The following DOCK1 variants were observed in gnomAD, a reference collection of about 807,000 sequenced individuals.
DOCK1 encodes dedicator of cytokinesis 1, also known as dedicator of cytokinesis protein 1.
DOCK1 carries 138 observed loss-of-function variants against 262.7 expected under a neutral mutation model. The observed-to-expected ratio is 0.53, with a 90% CI of 0.46 to 0.61. The LOEUF (loss-of-function observed/expected upper bound fraction) is 0.61. Among genes scored for constraint, DOCK1 ranks in the 20% least tolerant of loss-of-function variants. The pLI, the probability that DOCK1 is intolerant of heterozygous loss-of-function variation, is 0.00. For missense variants in DOCK1, 1,908 were observed against 2,370.7 expected (o/e 0.80, Z 4.05); for synonymous variants, 866 against 867.4 (o/e 1.00, Z 0.03).
chr10:126,950,601 C>T (rs1254556822), intron 1 of DOCK1, among the ~76,000 whole-genome samples: 1 of 152,062 alleles, frequency 6.6e-6, no homozygotes, highest in African/African-American at 2.4e-5. Context: ...GTTGTGGACG[C>T]AGCAGTACAG....
At chr10:127,421,731 C>T (rs1225165942) in intron 46 of DOCK1, among the ~76,000 whole-genome samples, 1 of 152,164 alleles carries the variant, frequency 6.6e-6, no homozygotes, top group Admixed American at 6.5e-5. Flanking sequence ...AATACTTGTC[C>T]TTCTGTGTCT....
intron 27 of DOCK1, chr10:127,146,080 C>T (rs2051816995): frequency 1.9e-6 from 1 of 513,800 alleles, no homozygotes; most frequent in Non-Finnish European, 3.9e-6. Flanking sequence ...CCCGTATTTA[C>T]CCCCAGAAAA....
chr10:127,288,590 T>C (rs926722076), intron 29 of DOCK1, among the ~76,000 whole-genome samples: 1 of 152,114 alleles, frequency 6.6e-6, no homozygotes, highest in Non-Finnish European at 1.5e-5. Context: ...TTTAGGATTA[T>C]GGAGATTTTA....
At chr10:127,302,741 G>GGTGT (rs1196456742) in intron 29 of DOCK1, among the ~76,000 whole-genome samples, 5 of 108,160 alleles carry the variant, frequency 4.6e-5, no homozygotes, top group East Asian at 2.8e-4. Context: ...GAAAAGAGGG[G>GGTGT]GTGTGTGTGT....
At chr10:127,291,918 G>A (rs1056154875) in intron 29 of DOCK1, among the ~76,000 whole-genome samples, 25 of 152,172 alleles carry the variant, frequency 1.6e-4, no homozygotes, top group Middle Eastern at 3.2e-3. Context: ...GGCTCCCTCC[G>A]TCCTTCACAG....
chr10:127,394,352 TAAAA>T (rs34284692), intron 38 of DOCK1, among the ~76,000 whole-genome samples: 6 of 133,062 alleles, frequency 4.5e-5, no homozygotes, highest in Non-Finnish European at 4.8e-5. Context: ...TGCACCAATG[TAAAA>T]AAAAAAAAAA....
chr10:127,287,514 A>G lies in DOCK1; in HGVS notation c.3044+30085A>G, dbSNP rs141362386. Among the ~76,000 whole-genome samples the G allele has an allele frequency of 2.0e-5, 3 of 152,104 alleles. No homozygotes were observed. In the East Asian group the frequency reaches 5.8e-4, roughly 29 times the overall value. On this transcript the variant is annotated intron_variant, in intron 29 of 51. Transcript: ENST00000623213. ...TCCCCATTTTTTTTCCTTATAATTT[A>G]TATTGCAATGTTTGTTCAAGTTCTG...
intron 23 of DOCK1, among the ~76,000 whole-genome samples, chr10:127,095,181 T>G (rs2047833915): frequency 6.6e-6 from 1 of 152,248 alleles, no homozygotes; most frequent in Admixed American, 6.5e-5. Flanking sequence ...GTGTTCTTGC[T>G]GTCTGTGCTG....
Position 127,422,820 on chromosome 10 carries a change from T to A in DOCK1, c.4777-3054T>A, listed in dbSNP as rs193237448. On this transcript the variant is annotated intron_variant, in intron 46 of 51. Coordinates refer to ENST00000623213, the MANE Select transcript of DOCK1 (RefSeq NM_001290223.2). ...CCTCTGCAGGCTATAAAACTATTGC[T>A]ATACAAAAACTAGTTTGGTCTGCAA... 1.4e-4 allele frequency among the ~76,000 whole-genome samples: 22 copies of A among 152,360 alleles called. 1 individual carries two copies. The East Asian group carries it at 3.5e-3, about 24-fold the overall frequency.
intron 1 of DOCK1, among the ~76,000 whole-genome samples, chr10:126,952,891 G>A (rs1199104022): frequency 1.3e-5 from 2 of 152,076 alleles, no homozygotes; most frequent in African/African-American, 4.8e-5. Context: ...TGGTAGTATT[G>A]TAGGTGATGG....
chr10:127,209,344 T>C (rs1189037435), intron 27 of DOCK1, among the ~76,000 whole-genome samples: 1 of 152,200 alleles, frequency 6.6e-6, no homozygotes, highest in East Asian at 1.9e-4. Flanking sequence ...TAAAGCAAAA[T>C]CTGAGGTCAC....
intron 27 of DOCK1, among the ~76,000 whole-genome samples, chr10:127,184,606 A>G (rs2056056868): frequency 6.6e-6 from 1 of 151,810 alleles, no homozygotes; most frequent in Admixed American, 6.6e-5. Flanking sequence ...TTATTATAAG[A>G]TCATCTATAC....
At position 126,974,648 on chromosome 10, in the gene DOCK1, C is replaced by G. The variant is rs542283932; in HGVS notation, c.131-3300C>G. On this transcript the variant is annotated intron_variant, in intron 2 of 51. Coordinates refer to ENST00000623213, the MANE Select transcript of DOCK1 (RefSeq NM_001290223.2). ...TCGTTCCGTTCTGTTCTCTTACTCT[C>G]CGGTGCAAAACCTCTGCCGGGACAT... Among the ~76,000 whole-genome samples, 618 of 152,278 alleles carry G rather than the reference C, an allele frequency of 4.1e-3. 3 individuals carry two copies. The highest frequency in any genetic ancestry group is 0.017 in the South Asian group (80 of 4,820).
At position 127,190,664 on chromosome 10, in the gene DOCK1, TTCCCCCCCC is replaced by T. The variant is rs754412864; in HGVS notation, c.2848-57343_2848-57335del. Among the ~76,000 whole-genome samples the T allele has an allele frequency of 3.5e-3, 54 of 15,224 alleles. 2 individuals are homozygous for T. Among genetic ancestry groups the T allele is most frequent in the South Asian group, 0.016 (5 of 318 alleles). 10.0% of individuals were successfully genotyped at this position (15,224 alleles called of 152,430 possible). ...TCAAATATTTAATAGAAATCCTATC[TTCCCCCCCC>T]CCCCCCCCCCGTTCCTGCTGGCTCC... On this transcript the variant is annotated intron_variant, in intron 27 of 51. Transcript: ENST00000623213.
intron 29 of DOCK1, among the ~76,000 whole-genome samples, chr10:127,266,232 A>AAAGCATT (rs2060350029): frequency 6.6e-6 from 1 of 152,212 alleles, no homozygotes; most frequent in South Asian, 2.1e-4. Flanking sequence ...TCATGGTTAT[A>AAAGCATT]AAGCATTTGG....
chr10:127,324,769 A>G (rs2766053), intron 29 of DOCK1, among the ~76,000 whole-genome samples: 68,622 of 152,102 alleles, frequency 0.45, 16,487 homozygotes, highest in African/African-American at 0.63. Context: ...GTTTTGCACA[A>G]TCAGTGCATA....
chr10:126,944,233 G>A (rs1486524025), intron 1 of DOCK1, among the ~76,000 whole-genome samples: 2 of 151,896 alleles, frequency 1.3e-5, no homozygotes, highest in South Asian at 2.1e-4. Flanking sequence ...GTCTAGGCCT[G>A]GATGCAGGGG....
intron 49 of DOCK1, among the ~76,000 whole-genome samples, chr10:127,442,354 C>A (rs10765097): frequency 0.31 from 47,525 of 151,992 alleles, 7,939 homozygotes; most frequent in East Asian, 0.44. Context: ...CAGCCGCAGC[C>A]CCAAGCCCAG....
At chr10:127,302,141 GTTTCC>G (rs2135437082) in intron 29 of DOCK1, among the ~76,000 whole-genome samples, 1 of 151,940 alleles carries the variant, frequency 6.6e-6, no homozygotes, top group African/African-American at 2.4e-5. Flanking sequence ...CACAGCCTGT[GTTTCC>G]TGCTTCTGGT....
Sources: allele counts gnomAD v4.1 joint callset (sites outside exome capture counted in the v4.1 genomes callset), GRCh38; gene constraint gnomAD v4.1.1; transcripts MANE v1.5; gene names NCBI Gene and HGNC (gene_info 2026-07-23, HGNC 2026-07-21).